The following MCC variants were observed in gnomAD, a reference collection of about 807,000 sequenced individuals.
MCC encodes colorectal mutant cancer protein.
Under a neutral mutation model 116.2 loss-of-function variants are expected in MCC, and 90 were observed. That is an observed-to-expected ratio of 0.77 (90% CI 0.65 to 0.92). The LOEUF (loss-of-function observed/expected upper bound fraction) is 0.92, where lower values mean the gene tolerates loss of function less well. Among genes scored for constraint, MCC ranks in the 40% least tolerant of loss-of-function variants. The pLI is 0.00. For missense variants in MCC, 1,516 were observed against 1,312.2 expected (o/e 1.16, Z -2.40); for synonymous variants, 578 against 510.5 (o/e 1.13, Z -1.78).
intron 2 of MCC, among the ~76,000 whole-genome samples, chr5:113,370,773 C>T (rs896482546): frequency 1.2e-4 from 18 of 152,142 alleles, no homozygotes; most frequent in Non-Finnish European, 2.2e-4. Context: ...TACACAGACA[C>T]CCCCTCCCCT....
chr5:113,389,502 T>C (rs1769353849), intron 1 of MCC, among the ~76,000 whole-genome samples: 1 of 152,222 alleles, frequency 6.6e-6, no homozygotes, highest in South Asian at 2.1e-4. Context: ...AGCCCCATGG[T>C]GGTCTTTTCC....
chr5:113,129,222 A>C (rs1303458604), intron 5 of MCC, among the ~76,000 whole-genome samples: 1 of 152,138 alleles, frequency 6.6e-6, no homozygotes, highest in African/African-American at 2.4e-5. Context: ...GCCCAGGCTG[A>C]GGACAAACTT....
intron 6 of MCC, 93 bp downstream of exon 6, chr5:113,122,591 T>C: frequency 6.8e-7 from 1 of 1,469,238 alleles, no homozygotes; most frequent in Non-Finnish European, 9.3e-7. Flanking sequence ...CTTGAAAAAT[T>C]AAATTTTAAT....
intron 3 of MCC, among the ~76,000 whole-genome samples, chr5:113,199,314 CACAGA>C (rs778130049): frequency 3.3e-5 from 5 of 152,092 alleles, no homozygotes; most frequent in Non-Finnish European, 5.9e-5. Context: ...CCACAAGACA[CACAGA>C]ACAGGAGTAA....
intron 3 of MCC, among the ~76,000 whole-genome samples, chr5:113,298,603 G>C (rs765982693): frequency 1.3e-5 from 2 of 152,162 alleles, no homozygotes; most frequent in East Asian, 3.9e-4. Flanking sequence ...GGGAAACCAG[G>C]AGATGGAGCA....
intron 3 of MCC, chr5:113,294,602 G>C: frequency 8.4e-7 from 1 of 1,191,592 alleles, no homozygotes; most frequent in Non-Finnish European, 1.0e-6. Context: ...ATTGCTGCAG[G>C]AGGCTCGGTG....
Position 113,110,742 on chromosome 5 carries a change from A to C in MCC, c.1028-6387T>G, listed in dbSNP as rs550210061. Among the ~76,000 whole-genome samples, 21 of 152,342 alleles carry C rather than the reference A, an allele frequency of 1.4e-4. 1 individual carries two copies. In the Middle Eastern group the frequency reaches 0.014, roughly 99 times the overall value. ...TTTGGCCAGCAGATGCAAACCAGCCACCTGCAGCCAAAGATGTGCTTGCAT... is the reference window on the plus strand; with the variant it reads ...TTTGGCCAGCAGATGCAAACCAGCCCCCTGCAGCCAAAGATGTGCTTGCAT... On this transcript the variant is annotated intron_variant, in intron 6 of 18. Transcript: ENST00000408903.
chr5:113,419,471 A>G (rs1362355724), intron 1 of MCC, among the ~76,000 whole-genome samples: 1 of 151,902 alleles, frequency 6.6e-6, no homozygotes. Context: ...TGCTGGGATT[A>G]CGGGTGTAAG....
intron 2 of MCC, among the ~76,000 whole-genome samples, chr5:113,375,969 G>A (rs1768970515): frequency 6.6e-6 from 1 of 152,034 alleles, no homozygotes; most frequent in South Asian, 2.1e-4. Context: ...TGTCAATTTA[G>A]CAGCAAGTGT....
rs747991299 is a variant in MCC, at chr5:113,400,113, C to CTTTTTTTTTTTTTTT, written c.171-14916_171-14902dup. 13 of 71,434 alleles carry CTTTTTTTTTTTTTTT rather than the reference C, an allele frequency of 1.8e-4. 2 individuals are homozygous for CTTTTTTTTTTTTTTT. Among genetic ancestry groups the CTTTTTTTTTTTTTTT allele is most frequent in the Non-Finnish European group, 2.4e-4 (10 of 41,732 alleles). The allele number at this position is 71,434 out of a possible 1,614,324, so 4.4% of individuals were successfully genotyped here. On this transcript the variant is annotated intron_variant, in intron 1 of 18. Coordinates refer to ENST00000408903, the MANE Select transcript of MCC (RefSeq NM_001085377.2). ...ATTGTTTTGGCCCTCTCCTTTTTTA[C>CTTTTTTTTTTTTTTT]TTTTTTTTTTTTTTTTTTTTTTTTT...
At chr5:113,317,048 G>A (rs1017728140) in intron 3 of MCC, among the ~76,000 whole-genome samples, 1 of 152,098 alleles carries the variant, frequency 6.6e-6, no homozygotes, top group African/African-American at 2.4e-5. Context: ...CACTTCACTG[G>A]CTGTCTTCAT....
intron 1 of MCC, among the ~76,000 whole-genome samples, chr5:113,423,107 C>T (rs985774365): frequency 6.6e-6 from 1 of 152,220 alleles, no homozygotes; most frequent in African/African-American, 2.4e-5. Flanking sequence ...CAAAGCAACA[C>T]TCTGCCTTTG....
intron 3 of MCC, among the ~76,000 whole-genome samples, chr5:113,314,176 G>T (rs1237846180): frequency 6.6e-6 from 1 of 152,028 alleles, no homozygotes; most frequent in Non-Finnish European, 1.5e-5. Context: ...AGGGAGGCCT[G>T]TATAAAATCT....
intron 3 of MCC, among the ~76,000 whole-genome samples, chr5:113,219,660 T>C (rs1763465200): frequency 1.3e-5 from 2 of 152,224 alleles, no homozygotes; most frequent in Admixed American, 1.3e-4. Context: ...TACTTTTGTA[T>C]ATGGCTGAAA....
chr5:113,105,887 A>G (rs1340226164), intron 6 of MCC, among the ~76,000 whole-genome samples: 2 of 152,104 alleles, frequency 1.3e-5, no homozygotes, highest in Non-Finnish European at 2.9e-5. Flanking sequence ...AGCCTGTAAA[A>G]CTCTGCATGA....
At chr5:113,279,768 C>T (rs912249609) in intron 3 of MCC, among the ~76,000 whole-genome samples, 2 of 152,142 alleles carry the variant, frequency 1.3e-5, no homozygotes, top group African/African-American at 4.8e-5. Flanking sequence ...TTTAACAATA[C>T]TAATTTGTAA....
At chr5:113,376,076 T>C (rs373651589) in intron 2 of MCC, among the ~76,000 whole-genome samples, 6 of 152,222 alleles carry the variant, frequency 3.9e-5, no homozygotes, top group South Asian at 4.2e-4. Context: ...AGGATAAGAG[T>C]AGATTTAAAA....
intron 1 of MCC, among the ~76,000 whole-genome samples, chr5:113,425,152 G>C (rs1304829845): frequency 1.3e-5 from 2 of 152,040 alleles, no homozygotes; most frequent in Non-Finnish European, 2.9e-5. Context: ...TTTCAGAAGA[G>C]AAAAAGAGAA....
At chr5:113,053,677 A>C (rs1435526741) in intron 15 of MCC, 48 bp downstream of exon 15, 5 of 1,411,238 alleles carry the variant, frequency 3.5e-6, no homozygotes, top group Non-Finnish European at 5.0e-6. Flanking sequence ...GGTTGTTTAG[A>C]TTTCCTCCTG....
Sources: gnomAD v4.1 joint callset for allele counts (sites outside exome capture counted in the v4.1 genomes callset) on GRCh38, gnomAD v4.1.1 for gene constraint, MANE v1.5 for transcripts, NCBI Gene and HGNC (gene_info 2026-07-23, HGNC 2026-07-21) for gene names.